The following C3orf49 variants were observed in gnomAD, a reference collection of about 807,000 sequenced individuals.
C3orf49 encodes the protein putative uncharacterized protein C3orf49.
C3orf49 carries 27 observed loss-of-function variants against 13.3 expected under a neutral mutation model. The ratio of observed to expected loss-of-function variants is 2.02; its 90% CI spans 1.49 to 2.79. C3orf49 has a LOEUF of 2.79. Ranked by LOEUF, C3orf49 falls within the 30% of genes most tolerant of loss-of-function variation. C3orf49 has a pLI of 0.00. For missense variants in C3orf49, 242 were observed against 134.2 expected (o/e 1.80, Z -3.97); for synonymous variants, 87 against 47.6 (o/e 1.83, Z -3.40).
upstream of C3orf49, among the ~76,000 whole-genome samples, chr3:63,817,675 C>A (rs1022644317): frequency 5.3e-5 from 8 of 152,108 alleles, no homozygotes; most frequent in Non-Finnish European, 1.0e-4. Context: ...CACCCCCTTC[C>A]CACTCCTTCT....
intron 5 of C3orf49, among the ~76,000 whole-genome samples, chr3:63,844,793 C>T (rs1398880586): frequency 6.6e-6 from 1 of 152,146 alleles, no homozygotes; most frequent in Non-Finnish European, 1.5e-5. Context: ...TCTTGAATTT[C>T]CCACCCTCTA....
At chr3:63,826,799 C>A (rs1701468819) in intron 2 of C3orf49, 1 of 152,000 alleles carries the variant, frequency 6.6e-6, no homozygotes, top group African/African-American at 2.4e-5. Context: ...TTTAGTGACC[C>A]CCTTTTTTAA....
At chr3:63,837,181 CAAAAT>C in intron 5 of C3orf49, among the ~76,000 whole-genome samples, 1 of 151,826 alleles carries the variant, frequency 6.6e-6, no homozygotes, top group Middle Eastern at 3.4e-3. Context: ...TTTTGAATTA[CAAAAT>C]AATACATGCC....
the C3orf49 span, chr3:63,787,339 T>G: frequency 2.6e-5 from 4 of 152,160 alleles, no homozygotes; most frequent in African/African-American, 9.7e-5. Flanking sequence ...CAGTTGTGGT[T>G]AAATTACCTG....
chr3:63,819,706 G>T, intron 1 of C3orf49, 110 bp downstream of exon 1: 2 of 654,108 alleles, frequency 3.1e-6, no homozygotes, highest in Non-Finnish European at 5.5e-6. Context: ...ATGGATTGGC[G>T]GGGAGGGTAC....
At chr3:63,800,601 T>C in the C3orf49 span, among the ~76,000 whole-genome samples, 2 of 152,158 alleles carry the variant, frequency 1.3e-5, no homozygotes, top group Non-Finnish European at 2.9e-5. Context: ...TACTAAGCAC[T>C]TAACATCACT....
At chr3:63,814,255 A>T in the C3orf49 span, among the ~76,000 whole-genome samples, 1 of 152,152 alleles carries the variant, frequency 6.6e-6, no homozygotes, top group Non-Finnish European at 1.5e-5. Flanking sequence ...CACAGGCTAA[A>T]TATGGCCTGC....
chr3:63,845,142 G>A (rs945192121), intron 6 of C3orf49, 60 bp downstream of exon 6: 2 of 633,442 alleles, frequency 3.2e-6, no homozygotes, highest in Non-Finnish European at 5.7e-6. Flanking sequence ...TAGCCCTGAG[G>A]GTTAAGTCCC....
rs2107102984 is a variant in C3orf49, at chr3:63,827,649, A to G, written c.494A>G (p.Gln165Arg). ...GAGGCAGAGACAGAGGAGATAACCC[A>G]GGGAAACACACTCCTTCGGGCCAGG... The part of the protein sequence containing the change: ...VVEAETEEIT[Q>R]GNTLLRARRT... Residue 165 changes from glutamine (Q) to arginine (R), a missense_variant, in exon 3 of 7, where the codon CAG becomes CGG. Gln to Arg is a conservative substitution (Grantham distance 43, BLOSUM62 1). Transcript: ENST00000295896. 1.4e-6 allele frequency: 1 copy of G among 703,314 alleles called. No homozygotes were observed. Among genetic ancestry groups the G allele is most frequent in the South Asian group, 1.5e-5 (1 of 67,600 alleles). 43.6% of individuals were successfully genotyped at this position (703,314 alleles called of 1,614,324 possible). A position where few individuals can be genotyped will look rare whatever the true frequency, so the allele number is the denominator to read the frequency against.
At chr3:63,838,395 T>C in intron 5 of C3orf49, 2 of 1,559,174 alleles carry the variant, frequency 1.3e-6, no homozygotes, top group Non-Finnish European at 1.8e-6. Flanking sequence ...AATTTTTTCA[T>C]AATTTTCCAT....
intron 5 of C3orf49, among the ~76,000 whole-genome samples, chr3:63,832,685 G>A (rs1701549918): frequency 6.6e-6 from 1 of 151,994 alleles, no homozygotes; most frequent in Non-Finnish European, 1.5e-5. Context: ...AAAGAAAAAT[G>A]GATTTTTAAT....
At chr3:63,820,825 T>G (rs1262505860) in intron 1 of C3orf49, among the ~76,000 whole-genome samples, 1 of 152,142 alleles carries the variant, frequency 6.6e-6, no homozygotes, top group African/African-American at 2.4e-5. Context: ...TACACAAGTC[T>G]AAGGATGAAA....
At chr3:63,784,006 A>G in the C3orf49 span, among the ~76,000 whole-genome samples, 1 of 152,146 alleles carries the variant, frequency 6.6e-6, no homozygotes, top group African/African-American at 2.4e-5. Context: ...GCATTTCAAA[A>G]TTTCCTTGAC....
chr3:63,782,813 T>G, the C3orf49 span: 3 of 152,240 alleles, frequency 2.0e-5, no homozygotes. Flanking sequence ...TAGCATGTTA[T>G]AGCAAACAGA....
At chr3:63,840,272 G>T (rs1416287181) in intron 5 of C3orf49, among the ~76,000 whole-genome samples, 1 of 152,036 alleles carries the variant, frequency 6.6e-6, no homozygotes, top group Non-Finnish European at 1.5e-5. Flanking sequence ...AGATGTAGTG[G>T]CAAACTAGGA....
At chr3:63,827,075 G>A (rs1701472261) in intron 2 of C3orf49, 1 of 152,194 alleles carries the variant, frequency 6.6e-6, no homozygotes, top group African/African-American at 2.4e-5. Context: ...TTATGGTAGT[G>A]TTTTAAAGTT....
intron 4 of C3orf49, 25 bp from the exon 5 acceptor site, chr3:63,831,655 A>G: frequency 1.4e-6 from 1 of 696,798 alleles, no homozygotes; most frequent in Non-Finnish European, 2.6e-6. Flanking sequence ...ACATGGCTTC[A>G]TTTCTTTGTA....
At chr3:63,807,654 C>T in the C3orf49 span, among the ~76,000 whole-genome samples, 38 of 151,662 alleles carry the variant, frequency 2.5e-4, no homozygotes, top group South Asian at 5.0e-3. Flanking sequence ...TCTGGGAGTT[C>T]GAGGACAGCC....
At chr3:63,784,873 G>C in the C3orf49 span, 1 of 152,002 alleles carries the variant, frequency 6.6e-6, no homozygotes, top group Non-Finnish European at 1.5e-5. Flanking sequence ...AAAAGTGAAA[G>C]TGTTAGAAAG....
Sources: allele counts gnomAD v4.1 joint callset (sites outside exome capture counted in the v4.1 genomes callset), GRCh38; gene constraint gnomAD v4.1.1; transcripts MANE v1.5; gene names NCBI Gene and HGNC (gene_info 2026-07-23, HGNC 2026-07-21).